The following RPS6KL1 variants were observed in gnomAD, a reference collection of about 807,000 sequenced individuals.
The protein encoded by RPS6KL1 is ribosomal protein S6 kinase-like 1.
A neutral mutation model predicts 57.0 loss-of-function variants in RPS6KL1; 41 were observed. The ratio of observed to expected loss-of-function variants is 0.72; its 90% CI spans 0.56 to 0.93. The LOEUF is 0.93. Among genes scored for constraint, RPS6KL1 ranks in the 40% least tolerant of loss-of-function variants. The probability of loss-of-function intolerance (pLI) is 0.00; values close to 1 mark genes in which losing one functional copy is unlikely to be tolerated. For synonymous variants in RPS6KL1, 287 were observed against 309.7 expected, an observed-to-expected ratio of 0.93 and a Z score of 0.77; for missense variants, 697 against 727.7, an observed-to-expected ratio of 0.96 and a Z score of 0.49.
Position 74,921,545 on chromosome 14 carries a change from T to C in RPS6KL1, c.-4A>G. On this transcript the variant is annotated 5_prime_UTR_variant, in exon 3 of 12. Coordinates refer to ENST00000557413, the MANE Select transcript of RPS6KL1 (RefSeq NM_031464.5). ...ACTCACAGGCCACCAGGCTCATGGC[T>C]GCCCTGCAGCTGGGACCTGGAATGG... 1 of 1,613,106 alleles carries C rather than the reference T, an allele frequency of 6.2e-7. No homozygotes were observed. The highest frequency in any genetic ancestry group is 8.5e-7 in the Non-Finnish European group (1 of 1,179,590).
intron 10 of RPS6KL1, 72 bp downstream of exon 10, chr14:74,908,778 G>T: frequency 7.3e-7 from 1 of 1,369,700 alleles, no homozygotes; most frequent in Non-Finnish European, 1.0e-6. Flanking sequence ...AGACTGGCTG[G>T]ATGGACTAAG....
In RPS6KL1 at chr14:74,909,690, G is replaced by A. The variant is rs750232007; in HGVS notation, c.1123C>T (p.Arg375Trp). 8.1e-6 allele frequency: 13 copies of A among 1,609,200 alleles called. No individual in the cohort carries two copies. The highest frequency in any genetic ancestry group is 3.3e-5 in the South Asian group (3 of 91,080). Residue 375 changes from arginine (R) to tryptophan (W), a missense_variant, in exon 8 of 12, where the codon CGG becomes TGG. Arg to Trp is a moderately radical substitution (Grantham distance 101). Transcript: ENST00000557413. ...CTCCAGGTGGCCCTGCCACAGCCCC[G>A]GCCGGCCCCATCTGCTGACAGGCAG... is the stretch of plus-strand genomic sequence containing the variant. Reference protein sequence around the residue: ...QSCLSADGAGRGCGRATWSVR... With the variant: ...QSCLSADGAGWGCGRATWSVR...
At position 74,919,925 on chromosome 14, in the gene RPS6KL1, T is replaced by C. The variant is rs746908969; in HGVS notation, c.310A>G (p.Thr104Ala). ...ERREAVKLKI[T>A]KYLRRAEEIF... ...TCCTCTGCCCGCCGCAGGTATTTGGTAATTTTCAGCTTCACAGCCTCACGT... is the reference window on the plus strand; with the variant it reads ...TCCTCTGCCCGCCGCAGGTATTTGGCAATTTTCAGCTTCACAGCCTCACGT... Residue 104 changes from threonine to alanine, a missense_variant, in exon 4 of 12, where the codon ACC becomes GCC. By Grantham distance (58) the Thr-to-Ala change is moderately conservative. Transcript: ENST00000557413. 26 of 1,613,956 alleles carry C rather than the reference T, an allele frequency of 1.6e-5. No homozygotes were observed. The South Asian group carries it at 2.6e-4, about 16-fold the overall frequency.
chr14:74,911,332 G>A lies in RPS6KL1; in HGVS notation c.580C>T (p.Pro194Ser). 6.2e-7 allele frequency: 1 copy of A among 1,611,582 alleles called. No homozygotes were observed. Among genetic ancestry groups the A allele is most frequent in the Non-Finnish European group, 8.5e-7 (1 of 1,179,908 alleles). The change falls in exon 7 of 12, where the codon CCA becomes TCA. Residue 194 changes from proline to serine, a missense_variant. Transcript: ENST00000557413. ...MVSRERLTIIPHGVPYMTKLL... is the reference protein window; with the variant it reads ...MVSRERLTIISHGVPYMTKLL... ...TTCGTCATGTAGGGGACTCCGTGTG[G>A]GATGATGGTCAGCCGCTCCCTGCTC...
At chr14:74,920,040 C>T in intron 3 of RPS6KL1, 71 bp from the exon 4 acceptor site, 1 of 1,582,706 alleles carries the variant, frequency 6.3e-7, no homozygotes, top group Non-Finnish European at 8.7e-7. Context: ...CTCCCATTGC[C>T]TGCCCTCTAC....
In RPS6KL1 at chr14:74,906,183, G is replaced by T; in HGVS notation, c.*831C>A. 3.8e-6 allele frequency: 1 copy of T among 261,060 alleles called. No homozygotes were observed. The highest frequency in any genetic ancestry group is 7.7e-6 in the Non-Finnish European group (1 of 129,872). 16.2% of individuals were successfully genotyped at this position (261,060 alleles called of 1,614,324 possible). A position where few individuals can be genotyped will look rare whatever the true frequency, so the allele number is the denominator to read the frequency against. Reference sequence around the variant, plus strand: ...GGGCACACCTTGTCTAAACTGCTTTGGCCTGGAAGCTGAATTGCTGTCCTC... The same window carrying T: ...GGGCACACCTTGTCTAAACTGCTTTTGCCTGGAAGCTGAATTGCTGTCCTC... On this transcript the variant is annotated 3_prime_UTR_variant, in exon 12 of 12. Coordinates refer to ENST00000557413, the MANE Select transcript of RPS6KL1 (RefSeq NM_031464.5).
chr14:74,919,835 G>GGT lies in RPS6KL1; in HGVS notation c.390+9_390+10insAC. Reference sequence around the variant, plus strand: ...CCGCTCAGGCCTTTGGGTGGGGGGGGTCTCCTCACCGCGCTGGGGCTGGCT... The same window carrying GGT: ...CCGCTCAGGCCTTTGGGTGGGGGGGGGTTCTCCTCACCGCGCTGGGGCTGGCT... On this transcript the variant is annotated intron_variant, in intron 4 of 11. Coordinates refer to ENST00000557413, the MANE Select transcript of RPS6KL1 (RefSeq NM_031464.5). 2.5e-6 allele frequency: 4 copies of GGT among 1,610,180 alleles called. No individual in the cohort carries two copies. Among genetic ancestry groups the GGT allele is most frequent in the Non-Finnish European group, 3.4e-6 (4 of 1,178,868 alleles).
At chr14:74,914,575 C>G (rs1594933623) in intron 5 of RPS6KL1, among the ~76,000 whole-genome samples, 1 of 152,346 alleles carries the variant, frequency 6.6e-6, no homozygotes, top group East Asian at 1.9e-4. Flanking sequence ...TTTTCTTTTT[C>G]TTCTCCTTTT....
chr14:74,918,490 A>G (rs1419848868), intron 5 of RPS6KL1, 23 bp downstream of exon 5: 2 of 1,495,962 alleles, frequency 1.3e-6, no homozygotes, highest in African/African-American at 2.8e-5. Flanking sequence ...TCCCTCCTGC[A>G]AGGCGAGTGT....
rs1279151798 is a variant in RPS6KL1, at chr14:74,907,104, G to A, written c.1560C>T (p.Thr520=). The A allele has an allele frequency of 2.5e-6, 4 of 1,612,798 alleles. No individual in the cohort carries two copies. The highest frequency in any genetic ancestry group is 1.1e-5 in the South Asian group (1 of 90,812). Residue 520 remains threonine (T), a synonymous_variant, in exon 12 of 12, where the codon ACC becomes ACT. Transcript: ENST00000557413. ...LLTELLQFEP[T]RRLGMGEGGV... ...CACCTTCTCCCATGCCCAGGCGCCG[G>A]GTAGGCTCGAACTGCAGCAGCTGCA...
chr14:74,910,870 CTTTT>C (rs5809683), intron 7 of RPS6KL1: 190 of 155,526 alleles, frequency 1.2e-3, no homozygotes, highest in South Asian at 3.4e-3. Context: ...CAGGGCTCAG[CTTTT>C]TTTTTTTTTT....
Position 74,906,414 on chromosome 14 carries a change from G to A in RPS6KL1, c.*600C>T. 1 of 338,822 alleles carries A rather than the reference G, an allele frequency of 3.0e-6. No homozygotes were observed. Among genetic ancestry groups the A allele is most frequent in the Non-Finnish European group, 6.0e-6 (1 of 167,994 alleles). The allele number at this position is 338,822 out of a possible 1,614,324, so 21.0% of individuals were successfully genotyped here. A position where few individuals can be genotyped will look rare whatever the true frequency, so the allele number is the denominator to read the frequency against. On this transcript the variant is annotated 3_prime_UTR_variant, in exon 12 of 12. Transcript: ENST00000557413. ...GCATGGTCAGGAATCGGGGGTGGGG[G>A]GGTGGGGGTGGGGGTCATCCTGTCC...
rs113000221 is a variant in RPS6KL1, at chr14:74,907,951, T to C, written c.1444-421A>G. ...GCAGCGGCGTGGCAATAAAAGAAAA[T>C]AGGACCTCTCCACACCCCAGAAAGG... On this transcript the variant is annotated intron_variant, in intron 10 of 11. Coordinates refer to ENST00000557413, the MANE Select transcript of RPS6KL1 (RefSeq NM_031464.5). Among the ~76,000 whole-genome samples the C allele has an allele frequency of 1.2e-3, 186 of 151,924 alleles. 1 individual carries two copies. Among genetic ancestry groups the C allele is most frequent in the African/African-American group, 4.4e-3 (182 of 41,464 alleles).
chr14:74,909,435 C>T, intron 8 of RPS6KL1, 108 bp downstream of exon 8: 1 of 1,412,574 alleles, frequency 7.1e-7, no homozygotes, highest in Admixed American at 2.5e-5. Flanking sequence ...CTGGCTGGGG[C>T]CAGGGAGGAG....
chr14:74,921,605 C>G (rs1317066716), intron 2 of RPS6KL1, 44 bp from the exon 3 acceptor site: 2 of 1,550,214 alleles, frequency 1.3e-6, no homozygotes, highest in South Asian at 1.2e-5. Context: ...CTGGTAGCAA[C>G]ACCCCTATCC....
rs761378808 is a variant in RPS6KL1 at position 74,909,862 on chromosome 14, G to A, written c.951C>T (p.Asp317=). The A allele has an allele frequency of 6.2e-7, 1 of 1,613,462 alleles. No homozygotes were observed. The highest frequency in any genetic ancestry group is 8.5e-7 in the Non-Finnish European group (1 of 1,179,676). The change falls in exon 8 of 12, where the codon GAC becomes GAT. Residue 317 remains aspartate (D), a synonymous_variant. Coordinates refer to ENST00000557413, the MANE Select transcript of RPS6KL1 (RefSeq NM_031464.5). ...GGTGGCCACCTGGGGCCTTTGGAAG[G>A]TCCGAGGAGCCAGAGGTGCTGGTCC... ...TARTSTSGSS[D]LPKAPGGHLH...
At chr14:74,918,232 A>G (rs1269790771) in intron 5 of RPS6KL1, among the ~76,000 whole-genome samples, 1 of 151,990 alleles carries the variant, frequency 6.6e-6, no homozygotes, top group Non-Finnish European at 1.5e-5. Context: ...CTGGGATTCC[A>G]GGTGTGAGCC....
chr14:74,920,757 TA>T (rs1887698456), intron 3 of RPS6KL1, among the ~76,000 whole-genome samples: 1 of 152,110 alleles, frequency 6.6e-6, no homozygotes. Flanking sequence ...ATCCTCTTCC[TA>T]CCTGAGACTA....
intron 5 of RPS6KL1, among the ~76,000 whole-genome samples, chr14:74,914,104 G>A (rs1886465090): frequency 6.6e-6 from 1 of 152,254 alleles, no homozygotes; most frequent in Non-Finnish European, 1.5e-5. Context: ...TCAGTGAAAG[G>A]AAGGCAGTGG....
Sources: allele counts gnomAD v4.1 joint callset (sites outside exome capture counted in the v4.1 genomes callset), GRCh38; gene constraint gnomAD v4.1.1; transcripts MANE v1.5; gene names NCBI Gene and HGNC (gene_info 2026-07-23, HGNC 2026-07-21).